PRKAR2B: variants seen among roughly 807,000 people sequenced by gnomAD.
PRKAR2B encodes the protein protein kinase cAMP-dependent type II regulatory subunit beta.
Under a neutral mutation model 49.9 loss-of-function variants are expected in PRKAR2B, and 14 were observed. That is an observed-to-expected ratio of 0.28 (90% CI 0.19 to 0.44). The LOEUF is 0.44. PRKAR2B is among the 20% of genes least tolerant of loss of function. PRKAR2B has a pLI of 1.00. For synonymous variants in PRKAR2B, 196 were observed against 197.7 expected (o/e 0.99, Z 0.07); for missense variants, 393 against 537.9 (o/e 0.73, Z 2.67).
At chr7:107,148,009 T>C (rs1287085902) in intron 6 of PRKAR2B, among the ~76,000 whole-genome samples, 1 of 152,218 alleles carries the variant, frequency 6.6e-6, no homozygotes, top group African/African-American at 2.4e-5. Flanking sequence ...CCAGTTATTA[T>C]ATACTTATTT....
At chr7:107,114,546 T>C (rs1795236338) in intron 2 of PRKAR2B, among the ~76,000 whole-genome samples, 1 of 144,098 alleles carries the variant, frequency 6.9e-6, no homozygotes, top group Non-Finnish European at 1.5e-5. Context: ...TTTTTTTTTT[T>C]TTTCTTGGAG....
At chr7:107,156,208 T>C (rs984482656) in intron 8 of PRKAR2B, among the ~76,000 whole-genome samples, 1 of 152,036 alleles carries the variant, frequency 6.6e-6, no homozygotes, top group Non-Finnish European at 1.5e-5. Flanking sequence ...CCATGGCACA[T>C]GTATACCTGT....
At chr7:107,077,915 C>G (rs1349611910) in intron 2 of PRKAR2B, 3 of 152,206 alleles carry the variant, frequency 2.0e-5, no homozygotes, top group African/African-American at 7.2e-5. Flanking sequence ...AGAACAGATT[C>G]TTGAGGCCGG....
chr7:107,085,487 T>C (rs941191759), intron 2 of PRKAR2B, among the ~76,000 whole-genome samples: 1 of 152,152 alleles, frequency 6.6e-6, no homozygotes, highest in South Asian at 2.1e-4. Flanking sequence ...TATTATAAAA[T>C]TGATAAATGC....
chr7:107,139,331 T>C (rs1366164398), intron 4 of PRKAR2B, among the ~76,000 whole-genome samples: 1 of 152,160 alleles, frequency 6.6e-6, no homozygotes, highest in Non-Finnish European at 1.5e-5. Flanking sequence ...CAAATGAAGG[T>C]TTTTGTTCTA....
At chr7:107,128,361 A>T (rs1285263946) in intron 4 of PRKAR2B, 66 bp downstream of exon 4, 1 of 1,239,468 alleles carries the variant, frequency 8.1e-7, no homozygotes, top group Non-Finnish European at 1.2e-6. Context: ...CAAGAACTGT[A>T]CAGGGTCTTG....
intron 1 of PRKAR2B, among the ~76,000 whole-genome samples, chr7:107,057,799 AACAAAT>A (rs1469416197): frequency 5.3e-5 from 8 of 152,200 alleles, no homozygotes; most frequent in African/African-American, 1.9e-4. Flanking sequence ...AAAGGAAACA[AACAAAT>A]ACAAGTTTTA....
At chr7:107,146,044 G>T (rs1260081242) in intron 5 of PRKAR2B, among the ~76,000 whole-genome samples, 1 of 152,002 alleles carries the variant, frequency 6.6e-6, no homozygotes, top group Non-Finnish European at 1.5e-5. Context: ...TCTCCAGATG[G>T]TTTTTTATGC....
intron 3 of PRKAR2B, 64 bp downstream of exon 3, chr7:107,122,068 T>C: frequency 8.7e-7 from 1 of 1,150,926 alleles, no homozygotes; most frequent in Non-Finnish European, 1.2e-6. Context: ...AGGAAAATAA[T>C]CATAGAAAAG....
intron 1 of PRKAR2B, among the ~76,000 whole-genome samples, chr7:107,060,878 A>T (rs1202791257): frequency 3.3e-5 from 5 of 152,106 alleles, no homozygotes; most frequent in Admixed American, 6.5e-5. Flanking sequence ...TCCTGCAAAA[A>T]TTTGTAAGTC....
chr7:107,112,628 G>GA (rs1419533507), intron 2 of PRKAR2B, among the ~76,000 whole-genome samples: 1 of 151,476 alleles, frequency 6.6e-6, no homozygotes, highest in Non-Finnish European at 1.5e-5. Context: ...TGAACTCACA[G>GA]AAAATAACGC....
intron 2 of PRKAR2B, among the ~76,000 whole-genome samples, chr7:107,082,744 C>T (rs887985216): frequency 6.6e-6 from 1 of 151,962 alleles, no homozygotes; most frequent in Non-Finnish European, 1.5e-5. Context: ...CAGATGCGTG[C>T]CACCAAGCTC....
Position 107,159,659 on chromosome 7 carries a change from G to A in PRKAR2B, c.*77G>A. The A allele has an allele frequency of 6.9e-7, 1 of 1,458,278 alleles. No individual in the cohort carries two copies. The highest frequency in any genetic ancestry group is 9.3e-7 in the Non-Finnish European group (1 of 1,070,548). 90.3% of individuals were successfully genotyped at this position (1,458,278 alleles called of 1,614,324 possible). On this transcript the variant is annotated 3_prime_UTR_variant, in exon 11 of 11. Transcript: ENST00000265717. ...AGTCCACTGAGAATGTGTTTGTGTA[G>A]ATGCCAAGCATTTTCTGTGATTTCA...
intron 3 of PRKAR2B, among the ~76,000 whole-genome samples, chr7:107,127,966 AT>A (rs1795528901): frequency 6.6e-6 from 1 of 152,164 alleles, no homozygotes; most frequent in African/African-American, 2.4e-5. Context: ...TTTGAAAAAC[AT>A]TTCAGTGCTA....
chr7:107,074,787 G>GA (rs1794362973), intron 2 of PRKAR2B, among the ~76,000 whole-genome samples: 1 of 152,114 alleles, frequency 6.6e-6, no homozygotes, highest in South Asian at 2.1e-4. Flanking sequence ...GACAGAGGGG[G>GA]AGACTGCGTT....
chr7:107,107,892 G>A (rs551633944), intron 2 of PRKAR2B, among the ~76,000 whole-genome samples: 114 of 152,196 alleles, frequency 7.5e-4, no homozygotes, highest in Non-Finnish European at 1.4e-3. Flanking sequence ...TCTTGACCTC[G>A]GGATCTGCCT....
chr7:107,094,824 G>T (rs1012270921), intron 2 of PRKAR2B, among the ~76,000 whole-genome samples: 1 of 152,158 alleles, frequency 6.6e-6, no homozygotes, highest in African/African-American at 2.4e-5. Flanking sequence ...TTGTAGATGT[G>T]TGGTATTATT....
At chr7:107,114,773 TC>T (rs1795240941) in intron 2 of PRKAR2B, among the ~76,000 whole-genome samples, 1 of 152,120 alleles carries the variant, frequency 6.6e-6, no homozygotes, top group African/African-American at 2.4e-5. Flanking sequence ...GCAATACCCT[TC>T]CCAATAGTGT....
rs1290213886 is a variant in PRKAR2B, at chr7:107,145,475, CTTAAA to C, written c.588-829_588-825del. ...TATGTTCATGTTACAAACAGAAACT[CTTAAA>C]TTAGATAGCGAATATGCCTAGAATC... On this transcript the variant is annotated intron_variant, in intron 5 of 10. Transcript: ENST00000265717. 2.0e-5 allele frequency among the ~76,000 whole-genome samples: 3 copies of C among 152,308 alleles called. No homozygotes were observed. In the East Asian group the frequency reaches 5.8e-4, roughly 29 times the overall value.
Sources: gnomAD v4.1 joint callset for allele counts (sites outside exome capture counted in the v4.1 genomes callset) on GRCh38, gnomAD v4.1.1 for gene constraint, MANE v1.5 for transcripts, NCBI Gene and HGNC (gene_info 2026-07-23, HGNC 2026-07-21) for gene names.